RUSC2: variants seen among roughly 807,000 people sequenced by gnomAD.
RUSC2 encodes the protein RUN and SH3 domain containing 2.
RUSC2 carries 34 observed loss-of-function variants against 122.2 expected under a neutral mutation model. That is an observed-to-expected ratio of 0.28 (90% CI 0.21 to 0.37). RUSC2 has a LOEUF of 0.37. RUSC2 is among the 10% of genes least tolerant of loss of function. The pLI, the probability that RUSC2 is intolerant of heterozygous loss-of-function variation, is 1.00. For synonymous variants in RUSC2, 784 were observed against 790.0 expected, an observed-to-expected ratio of 0.99 and a Z score of 0.13; for missense variants, 1,747 against 1,952.4, an observed-to-expected ratio of 0.89 and a Z score of 1.98.
chr9:35,515,563 C>T (rs903227811), intron 1 of RUSC2, among the ~76,000 whole-genome samples: 1 of 152,092 alleles, frequency 6.6e-6, no homozygotes, highest in Non-Finnish European at 1.5e-5. Context: ...TAGATTGAGT[C>T]AGACAAAAAT....
chr9:35,511,671 G>A (rs1272609567), intron 1 of RUSC2, among the ~76,000 whole-genome samples: 1 of 152,138 alleles, frequency 6.6e-6, no homozygotes, highest in Non-Finnish European at 1.5e-5. Context: ...CAGACTTTAG[G>A]CTAGGTTCAG....
In RUSC2 at chr9:35,547,355, T is replaced by A. The variant is rs767216344; in HGVS notation, c.834T>A (p.Asp278Glu). 14 of 1,614,172 alleles carry A rather than the reference T, an allele frequency of 8.7e-6. No individual in the cohort carries two copies. Among genetic ancestry groups the A allele is most frequent in the Non-Finnish European group, 1.2e-5 (14 of 1,180,026 alleles). Residue 278 changes from aspartate to glutamate, a missense_variant, in exon 2 of 12, where the codon GAT (aspartate) becomes GAA (glutamate). Coordinates refer to ENST00000361226, the MANE Select transcript of RUSC2 (RefSeq NM_014806.5). This position sits in a 1 kb window ranked among gnomAD's most constrained non-coding sequence, Gnocchi z 4.6. ...GCGACTCCTCCTGCAACAGTTCAGA[T>A]GGTGTGCTGGTCACCTTCAGCACCC... ...YVSDSSCNSS[D>E]GVLVTFSTLY...
Position 35,556,422 on chromosome 9 carries a change from T to C in RUSC2, c.2957T>C (p.Ile986Thr), listed in dbSNP as rs1159732760. The part of the protein sequence containing the change: ...CLSPDGSSEA[I>T]SIDLLQKKGL... ...TCCCCAGATGGCAGCTCAGAGGCCA[T>C]TTCCATTGACCTGCTTCAGAAAAAA... The change falls in exon 5 of 12, where the codon ATT (isoleucine) becomes ACT (threonine). Residue 986 changes from isoleucine (I) to threonine (T), a missense_variant. By Grantham distance (89) the Ile-to-Thr change is moderately conservative. Coordinates refer to ENST00000361226, the MANE Select transcript of RUSC2 (RefSeq NM_014806.5). 4.3e-6 allele frequency: 7 copies of C among 1,614,134 alleles called. No homozygotes were observed. Among genetic ancestry groups the C allele is most frequent in the Non-Finnish European group, 5.9e-6 (7 of 1,180,008 alleles).
intron 1 of RUSC2, among the ~76,000 whole-genome samples, chr9:35,518,679 G>GA (rs1261985206): frequency 1.3e-5 from 2 of 152,116 alleles, no homozygotes; most frequent in Non-Finnish European, 2.9e-5. Context: ...TCATGTCTAG[G>GA]AAAAAATCTC....
intron 9 of RUSC2, 118 bp downstream of exon 9, chr9:35,559,390 A>G: frequency 1.1e-6 from 1 of 874,134 alleles, no homozygotes; most frequent in Non-Finnish European, 1.9e-6. Flanking sequence ...ACAAGCGTTC[A>G]TCCTCAGAGC....
chr9:35,509,425 A>G (rs1820974418), intron 1 of RUSC2, among the ~76,000 whole-genome samples: 1 of 152,238 alleles, frequency 6.6e-6, no homozygotes, highest in Non-Finnish European at 1.5e-5. Flanking sequence ...ACAGTGAGCA[A>G]TTCAAGTAGA....
Position 35,558,753 on chromosome 9 carries a change from T to C in RUSC2, c.3341+186T>C, listed in dbSNP as rs547197382. 4.6e-5 allele frequency among the ~76,000 whole-genome samples: 7 copies of C among 152,344 alleles called. No homozygotes were observed. The highest frequency in any genetic ancestry group is 1.7e-4 in the African/African-American group (7 of 41,576). On this transcript the variant is annotated intron_variant, in intron 8 of 11. Coordinates refer to ENST00000361226, the MANE Select transcript of RUSC2 (RefSeq NM_014806.5). This position sits in a 1 kb window ranked among gnomAD's most constrained non-coding sequence, Gnocchi z 4.3. ...ACTGTGCCCATGACTCTGTCACTGGTCACCAACGTGGTCTGCTTTTACAAA... is the reference window on the plus strand; with the variant it reads ...ACTGTGCCCATGACTCTGTCACTGGCCACCAACGTGGTCTGCTTTTACAAA...
chr9:35,545,628 G>A (rs1206731270), intron 1 of RUSC2, among the ~76,000 whole-genome samples: 1 of 152,168 alleles, frequency 6.6e-6, no homozygotes, highest in African/African-American at 2.4e-5. Context: ...TGAGCTAGAC[G>A]CATGTTAAGA....
At chr9:35,491,819 T>G (rs1213426246) in intron 1 of RUSC2, among the ~76,000 whole-genome samples, 1 of 152,126 alleles carries the variant, frequency 6.6e-6, no homozygotes, top group Non-Finnish European at 1.5e-5. Flanking sequence ...CATGGTGGTG[T>G]GCACATGTAG....
At chr9:35,495,024 A>G (rs896030189) in intron 1 of RUSC2, among the ~76,000 whole-genome samples, 129 of 100,552 alleles carry the variant, frequency 1.3e-3, no homozygotes, top group Non-Finnish European at 2.0e-3. Flanking sequence ...TATATATTTT[A>G]TATATTATAT....
At position 35,555,676 on chromosome 9, in the gene RUSC2, C is replaced by G; in HGVS notation, c.2631C>G (p.Gly877=). 6.3e-7 allele frequency: 1 copy of G among 1,595,410 alleles called. No homozygotes were observed. The highest frequency in any genetic ancestry group is 8.5e-7 in the Non-Finnish European group (1 of 1,178,008). The change falls in exon 3 of 12, where the codon GGC becomes GGG. Residue 877 remains glycine (G), a synonymous_variant. Coordinates refer to ENST00000361226, the MANE Select transcript of RUSC2 (RefSeq NM_014806.5). This position sits in a 1 kb window ranked among gnomAD's most constrained non-coding sequence, Gnocchi z 4.6. ...AESLARGGGE[G]SMATRPSNAN... ...GCCTGGCCCGGGGAGGTGGTGAGGG[C>G]AGCATGGCCACCAGGCCCAGTAATG...
In RUSC2 at chr9:35,555,048, C is replaced by T; in HGVS notation, c.2015-12C>T. 1.9e-6 allele frequency: 3 copies of T among 1,609,498 alleles called. No individual in the cohort carries two copies. The highest frequency in any genetic ancestry group is 2.5e-6 in the Non-Finnish European group (3 of 1,179,888). ...TCTGTCTACTGATTTCTTCTCCATCCCTTTGCTACAGGGGGTGGCACCGAG... is the reference window on the plus strand; with the variant it reads ...TCTGTCTACTGATTTCTTCTCCATCTCTTTGCTACAGGGGGTGGCACCGAG... On this transcript the variant is annotated splice_polypyrimidine_tract_variant and intron_variant, in intron 2 of 11. Coordinates refer to ENST00000361226, the MANE Select transcript of RUSC2 (RefSeq NM_014806.5). This position sits in a 1 kb window ranked among gnomAD's most constrained non-coding sequence, Gnocchi z 4.6.
In RUSC2 at chr9:35,546,960, C is replaced by T. The variant is rs1271953102; in HGVS notation, c.439C>T (p.Gln147Ter). 6.3e-7 allele frequency: 1 copy of T among 1,579,224 alleles called. No homozygotes were observed. The highest frequency in any genetic ancestry group is 8.6e-7 in the Non-Finnish European group (1 of 1,161,604). The part of the protein sequence containing the change: ...GQPNFHLSSF[Q>*]LPPSGPRVGR... The stretch of plus-strand genomic sequence containing the variant: ...GCCCAACTTTCATCTATCCTCTTTC[C>T]AGCTGCCACCATCTGGCCCCAGAGT... Residue 147 changes from glutamine (Q) to a stop codon, truncating the protein, a stop_gained, in exon 2 of 12, where the codon CAG (glutamine) becomes TAG (stop). Coordinates refer to ENST00000361226, the MANE Select transcript of RUSC2 (RefSeq NM_014806.5). LOFTEE classifies it high-confidence loss of function. The surrounding 1 kb of genome is among the most constrained non-coding windows in gnomAD (Gnocchi z 4.3).
chr9:35,501,443 G>T (rs886341227), intron 1 of RUSC2, among the ~76,000 whole-genome samples: 7 of 152,156 alleles, frequency 4.6e-5, no homozygotes, highest in Non-Finnish European at 1.0e-4. Flanking sequence ...CAGGCATGGT[G>T]GGGGGCACCT....
chr9:35,497,542 A>C (rs1820743377), intron 1 of RUSC2, among the ~76,000 whole-genome samples: 1 of 152,200 alleles, frequency 6.6e-6, no homozygotes, highest in South Asian at 2.1e-4. Flanking sequence ...TGAAGTCGGC[A>C]GCAGATTGTA....
intron 1 of RUSC2, among the ~76,000 whole-genome samples, chr9:35,511,100 C>T (rs1007450431): frequency 7.2e-5 from 11 of 152,188 alleles, no homozygotes; most frequent in African/African-American, 2.7e-4. Flanking sequence ...AAGCTCCCAG[C>T]GAGCAGAGCT....
At chr9:35,500,792 T>G (rs1371128474) in intron 1 of RUSC2, among the ~76,000 whole-genome samples, 4 of 152,256 alleles carry the variant, frequency 2.6e-5, no homozygotes, top group Non-Finnish European at 4.4e-5. Context: ...ATAGCTATAG[T>G]TAACTTCTTA....
At position 35,561,832 on chromosome 9, in the gene RUSC2, C is replaced by CTGTT. The variant is rs1430059943; in HGVS notation, c.*452_*455dup. On this transcript the variant is annotated 3_prime_UTR_variant, in exon 12 of 12. Coordinates refer to ENST00000361226, the MANE Select transcript of RUSC2 (RefSeq NM_014806.5). ...GAAGAGGGAGGAGGAGCCCAGGCGT[C>CTGTT]TGTTTATGTATTTATTTATTTATTT... 2 of 604,042 alleles carry CTGTT rather than the reference C, an allele frequency of 3.3e-6. No homozygotes were observed. Among genetic ancestry groups the CTGTT allele is most frequent in the South Asian group, 2.1e-5 (1 of 46,838 alleles). 37.4% of individuals were successfully genotyped at this position (604,042 alleles called of 1,614,324 possible). A position where few individuals can be genotyped will look rare whatever the true frequency, so the allele number is the denominator to read the frequency against.
intron 1 of RUSC2, among the ~76,000 whole-genome samples, chr9:35,496,848 C>A (rs1472343576): frequency 6.6e-6 from 1 of 152,172 alleles, no homozygotes; most frequent in South Asian, 2.1e-4. Context: ...GACACATGGC[C>A]ACTCACTTGA....
Sources: allele counts gnomAD v4.1 joint callset (sites outside exome capture counted in the v4.1 genomes callset), GRCh38; gene constraint gnomAD v4.1.1; non-coding constraint Gnocchi (gnomAD v3.1); transcripts MANE v1.5; gene names NCBI Gene and HGNC (gene_info 2026-07-23, HGNC 2026-07-21).